The following SLC24A2 variants were observed in gnomAD, a reference collection of about 807,000 sequenced individuals.
SLC24A2 encodes sodium/potassium/calcium exchanger 2.
SLC24A2 carries 36 observed loss-of-function variants against 62.0 expected under a neutral mutation model. The observed-to-expected ratio is 0.58, with a 90% confidence interval of 0.44 to 0.77. The LOEUF is 0.77. Ranked by LOEUF, SLC24A2 falls within the 30% of genes least tolerant of loss-of-function variation. SLC24A2 has a pLI of 0.00. For missense variants in SLC24A2, 846 were observed against 817.9 expected (o/e 1.03, Z -0.42); for synonymous variants, 358 against 294.0 (o/e 1.22, Z -2.23).
chr9:19,824,353 G>A, the SLC24A2 span, among the ~76,000 whole-genome samples: 1 of 152,052 alleles, frequency 6.6e-6, no homozygotes, highest in African/African-American at 2.4e-5. Context: ...TCAAAAAGTG[G>A]GTGAAGGATA....
At chr9:19,554,046 T>A (rs1027218265) in intron 7 of SLC24A2, among the ~76,000 whole-genome samples, 1 of 152,118 alleles carries the variant, frequency 6.6e-6, no homozygotes, top group African/African-American at 2.4e-5. Context: ...AAAGAGGTAA[T>A]TAAGTTAAAA....
chr9:20,101,091 T>G, the SLC24A2 span, among the ~76,000 whole-genome samples: 91 of 152,274 alleles, frequency 6.0e-4, no homozygotes, highest in Admixed American at 5.9e-3. Flanking sequence ...GCAAGTGGAG[T>G]GCTGAATTTC....
At chr9:20,183,469 C>A in the SLC24A2 span, among the ~76,000 whole-genome samples, 2 of 152,162 alleles carry the variant, frequency 1.3e-5, no homozygotes, top group African/African-American at 4.8e-5. Flanking sequence ...ATGTTGGAGG[C>A]TCTGAGAAGA....
chr9:19,635,286 T>A (rs1185723298), intron 2 of SLC24A2, among the ~76,000 whole-genome samples: 1 of 152,170 alleles, frequency 6.6e-6, no homozygotes, highest in Non-Finnish European at 1.5e-5. Flanking sequence ...ATGAGAAATA[T>A]CCCATCAAAA....
chr9:19,679,356 G>T, intron 2 of SLC24A2, among the ~76,000 whole-genome samples: 1 of 152,192 alleles, frequency 6.6e-6, no homozygotes, highest in East Asian at 1.9e-4. Flanking sequence ...CTTAGAGGTT[G>T]TTGGAGGCCT....
the SLC24A2 span, chr9:19,957,479 A>C: frequency 2.0e-5 from 3 of 152,214 alleles, no homozygotes; most frequent in African/African-American, 7.2e-5. Context: ...AGGTTGCTGG[A>C]TTCACAGCCA....
the SLC24A2 span, among the ~76,000 whole-genome samples, chr9:19,934,955 G>T: frequency 2.0e-5 from 3 of 152,086 alleles, no homozygotes; most frequent in Admixed American, 6.5e-5. The surrounding 1 kb of genome is among the most constrained non-coding windows in gnomAD (Gnocchi z 4.1). Context: ...GCGTCTTGGC[G>T]CCTCTGGAAC....
chr9:19,873,081 C>T, the SLC24A2 span, among the ~76,000 whole-genome samples: 5 of 152,156 alleles, frequency 3.3e-5, no homozygotes, highest in Non-Finnish European at 5.9e-5. Flanking sequence ...TGTGTTTGAA[C>T]TCAGAAAGTC....
chr9:19,935,832 C>T, the SLC24A2 span, among the ~76,000 whole-genome samples: 1 of 152,190 alleles, frequency 6.6e-6, no homozygotes, highest in Non-Finnish European at 1.5e-5. Flanking sequence ...TAAACCTCAT[C>T]CCACTGACTG....
intron 2 of SLC24A2, among the ~76,000 whole-genome samples, chr9:19,639,425 G>C (rs1247108910): frequency 1.3e-5 from 2 of 152,172 alleles, no homozygotes; most frequent in African/African-American, 4.8e-5. Context: ...TCCTCAAGAA[G>C]CCTTGCATGC....
the SLC24A2 span, among the ~76,000 whole-genome samples, chr9:19,834,167 G>T: frequency 6.6e-6 from 1 of 152,090 alleles, no homozygotes; most frequent in Non-Finnish European, 1.5e-5. Context: ...AAATCAGAGC[G>T]CCTCTCCTCC....
the SLC24A2 span, among the ~76,000 whole-genome samples, chr9:20,194,808 A>G: frequency 6.6e-6 from 1 of 152,042 alleles, no homozygotes; most frequent in Admixed American, 6.6e-5. Flanking sequence ...TGGATCAAGT[A>G]AAACAGCACC....
At chr9:19,685,484 G>A (rs1819853595) in intron 2 of SLC24A2, among the ~76,000 whole-genome samples, 2 of 152,120 alleles carry the variant, frequency 1.3e-5, no homozygotes, top group South Asian at 4.1e-4. Flanking sequence ...CAAAGCTGGA[G>A]GCATCATGTT....
At chr9:19,707,853 G>A (rs1587191469) in intron 2 of SLC24A2, among the ~76,000 whole-genome samples, 1 of 152,142 alleles carries the variant, frequency 6.6e-6, no homozygotes, top group Non-Finnish European at 1.5e-5. Flanking sequence ...ACAAGACAGG[G>A]ATGCCCTCTC....
chr9:19,905,574 C>T, the SLC24A2 span, among the ~76,000 whole-genome samples: 1,734 of 151,922 alleles, frequency 0.011, 37 homozygotes, highest in African/African-American at 0.04. Context: ...CTACCACACC[C>T]GGCTAATTTT....
the SLC24A2 span, among the ~76,000 whole-genome samples, chr9:19,994,451 T>G: frequency 1.3e-5 from 2 of 152,158 alleles, no homozygotes; most frequent in Non-Finnish European, 2.9e-5. Context: ...CACTGCCAAT[T>G]GGTTTATGTC....
chr9:20,296,187 C>T, the SLC24A2 span, among the ~76,000 whole-genome samples: 1 of 152,186 alleles, frequency 6.6e-6, no homozygotes, highest in Non-Finnish European at 1.5e-5. Flanking sequence ...CATATACTTA[C>T]GAAATGTATA....
chr9:19,643,884 A>C (rs1818570878), intron 2 of SLC24A2, among the ~76,000 whole-genome samples: 1 of 152,274 alleles, frequency 6.6e-6, no homozygotes, highest in African/African-American at 2.4e-5. Context: ...ATAGAATTTT[A>C]CATCTTTGCT....
the SLC24A2 span, among the ~76,000 whole-genome samples, chr9:20,085,816 C>T: frequency 1.3e-5 from 2 of 152,168 alleles, no homozygotes; most frequent in Non-Finnish European, 1.5e-5. Context: ...TCAAACAATG[C>T]TCATTAGTAT....
Sources: allele counts gnomAD v4.1 joint callset (sites outside exome capture counted in the v4.1 genomes callset), GRCh38; gene constraint gnomAD v4.1.1; non-coding constraint Gnocchi (gnomAD v3.1); transcripts MANE v1.5; gene names NCBI Gene and HGNC (gene_info 2026-07-23, HGNC 2026-07-21).